The following TINAG variants were observed in gnomAD, a reference collection of about 807,000 sequenced individuals.
The protein encoded by TINAG is tubulointerstitial nephritis antigen.
A neutral mutation model predicts 72.7 loss-of-function variants in TINAG; 83 were observed. That is an observed-to-expected ratio of 1.14 (90% confidence interval 0.96 to 1.37). TINAG has a LOEUF of 1.37. Ranked by LOEUF, TINAG falls within the 40% of genes most tolerant of loss-of-function variation. The pLI is 0.00. For synonymous variants in TINAG, 234 were observed against 189.9 expected (o/e 1.23, Z -1.91); for missense variants, 685 against 576.6 (o/e 1.19, Z -1.93).
intron 5 of TINAG, among the ~76,000 whole-genome samples, 184 bp downstream of exon 5, chr6:54,343,533 G>GTTT (rs3836940): frequency 2.7e-5 from 4 of 147,234 alleles, no homozygotes; most frequent in African/African-American, 9.9e-5. Flanking sequence ...TAGTCTAAAA[G>GTTT]TTTTTTTTTT....
chr6:54,383,856 T>A (rs768579900), intron 10 of TINAG, among the ~76,000 whole-genome samples: 2 of 152,118 alleles, frequency 1.3e-5, no homozygotes, highest in African/African-American at 2.4e-5. Context: ...TTACTGGGTA[T>A]ATACCCAAAA....
At chr6:54,351,446 C>G in intron 8 of TINAG, 49 bp downstream of exon 8, 1 of 1,553,422 alleles carries the variant, frequency 6.4e-7, no homozygotes, top group Non-Finnish European at 8.9e-7. Context: ...CTTTAATAAA[C>G]AACATTACAT....
chr6:54,369,815 A>T (rs973461413), intron 9 of TINAG: 1 of 152,110 alleles, frequency 6.6e-6, no homozygotes, highest in East Asian at 1.9e-4. Flanking sequence ...TAAGTAAATG[A>T]TTATAGGGTT....
intron 3 of TINAG, among the ~76,000 whole-genome samples, chr6:54,322,301 C>G (rs1455884740): frequency 6.6e-6 from 1 of 151,424 alleles, no homozygotes; most frequent in Non-Finnish European, 1.5e-5. Flanking sequence ...GGGGGTGAAA[C>G]CCTGTCAAAA....
intron 1 of TINAG, among the ~76,000 whole-genome samples, chr6:54,310,085 G>GTGTGTGTGTT (rs1372793176): frequency 6.9e-6 from 1 of 144,826 alleles, no homozygotes; most frequent in African/African-American, 2.7e-5. Context: ...CCGTGTGTGT[G>GTGTGTGTGTT]TGTGTGTGTG....
intron 9 of TINAG, 24 bp from the exon 10 acceptor site, chr6:54,380,502 C>G (rs1378796492): frequency 6.3e-7 from 1 of 1,595,616 alleles, no homozygotes; most frequent in Non-Finnish European, 8.6e-7. Context: ...CCATACCAAT[C>G]TTTATTATTG....
chr6:54,335,067 T>C (rs1562157756), intron 4 of TINAG, among the ~76,000 whole-genome samples: 1 of 152,222 alleles, frequency 6.6e-6, no homozygotes, highest in Non-Finnish European at 1.5e-5. Context: ...CTTGCTTTTA[T>C]TGAGGGCCAC....
intron 4 of TINAG, among the ~76,000 whole-genome samples, chr6:54,338,094 T>G (rs1221037399): frequency 1.3e-5 from 2 of 152,166 alleles, no homozygotes; most frequent in African/African-American, 4.8e-5. Context: ...CTGGCCTCAC[T>G]CCTTATTCAC....
intron 9 of TINAG, among the ~76,000 whole-genome samples, chr6:54,376,684 A>G (rs982546387): frequency 2.0e-5 from 3 of 152,192 alleles, no homozygotes; most frequent in Non-Finnish European, 2.9e-5. Flanking sequence ...TAAAAGGAAC[A>G]TGCATGGAAA....
At chr6:54,347,236 G>T in intron 5 of TINAG, 131 bp from the exon 6 acceptor site, 1 of 824,950 alleles carries the variant, frequency 1.2e-6, no homozygotes, top group South Asian at 2.4e-5. Context: ...ATATATTAAT[G>T]CTCTTTGGCT....
chr6:54,332,692 T>C (rs1368033250), intron 4 of TINAG, among the ~76,000 whole-genome samples: 1 of 152,096 alleles, frequency 6.6e-6, no homozygotes, highest in Admixed American at 6.6e-5. Context: ...ACCTACAGAA[T>C]GGGAGAAAAT....
At chr6:54,325,728 T>C (rs1784588542) in intron 3 of TINAG, among the ~76,000 whole-genome samples, 1 of 152,194 alleles carries the variant, frequency 6.6e-6, no homozygotes, top group African/African-American at 2.4e-5. Context: ...CTTACTGATG[T>C]CACAGTTTTG....
At chr6:54,363,619 C>CAAA (rs75017897) in intron 9 of TINAG, among the ~76,000 whole-genome samples, 23 of 115,522 alleles carry the variant, frequency 2.0e-4, no homozygotes, top group African/African-American at 4.8e-4. Flanking sequence ...CAACGGGTAT[C>CAAA]AAAAAAAAAA....
intron 10 of TINAG, among the ~76,000 whole-genome samples, chr6:54,382,622 T>C (rs1763984981): frequency 6.6e-6 from 1 of 152,058 alleles, no homozygotes; most frequent in Non-Finnish European, 1.5e-5. Flanking sequence ...TAACTAGAGA[T>C]ACAACACCTG....
intron 1 of TINAG, among the ~76,000 whole-genome samples, chr6:54,312,663 G>T (rs915944010): frequency 2.6e-5 from 4 of 151,938 alleles, no homozygotes; most frequent in Non-Finnish European, 5.9e-5. Flanking sequence ...AATCTACATA[G>T]AAAAAAATAA....
chr6:54,325,459 C>T (rs1320143304), intron 3 of TINAG, among the ~76,000 whole-genome samples: 1 of 152,148 alleles, frequency 6.6e-6, no homozygotes, highest in South Asian at 2.1e-4. Flanking sequence ...TTGAGCATAT[C>T]TCACAGTAGA....
At chr6:54,360,841 G>GTTTTTTTTTGTTTT (rs1763206130) in intron 9 of TINAG, among the ~76,000 whole-genome samples, 2 of 26,242 alleles carry the variant, frequency 7.6e-5, no homozygotes, top group African/African-American at 2.0e-4. Context: ...CAGATACTGT[G>GTTTTTTTTTGTTTT]TTTTTTTTTT....
chr6:54,369,049 T>G (rs1763524491), intron 9 of TINAG, among the ~76,000 whole-genome samples: 1 of 152,038 alleles, frequency 6.6e-6, no homozygotes, highest in Non-Finnish European at 1.5e-5. Flanking sequence ...TTGACAGTTT[T>G]GAATCGAACA....
At chr6:54,384,166 A>T (rs1764028658) in intron 10 of TINAG, among the ~76,000 whole-genome samples, 2 of 152,150 alleles carry the variant, frequency 1.3e-5, no homozygotes, top group African/African-American at 4.8e-5. Flanking sequence ...GAACACATGG[A>T]CACAGGGAGG....
Sources: allele counts gnomAD v4.1 joint callset (sites outside exome capture counted in the v4.1 genomes callset), GRCh38; gene constraint gnomAD v4.1.1; transcripts MANE v1.5; gene names NCBI Gene and HGNC (gene_info 2026-07-23, HGNC 2026-07-21).